The following NTRK3 variants were observed in gnomAD, a reference collection of about 807,000 sequenced individuals.
The protein encoded by NTRK3 is NT-3 growth factor receptor.
NTRK3 carries 24 observed loss-of-function variants against 91.7 expected under a neutral mutation model. That is an observed-to-expected ratio of 0.26 (90% CI 0.19 to 0.37). The LOEUF (loss-of-function observed/expected upper bound fraction) is 0.37, where lower values mean the gene tolerates loss of function less well. NTRK3 is among the 10% of genes least tolerant of loss of function. NTRK3 has a pLI of 1.00. For synonymous variants in NTRK3, 483 were observed against 404.0 expected (o/e 1.20, Z -2.34); for missense variants, 880 against 1,068.9 (o/e 0.82, Z 2.46).
chr15:88,091,671 G>A (rs2049029426), intron 13 of NTRK3, among the ~76,000 whole-genome samples: 1 of 152,128 alleles, frequency 6.6e-6, no homozygotes, highest in South Asian at 2.1e-4. Context: ...CAAGAGTAGG[G>A]AGATCACACA....
chr15:88,021,465 G>A (rs2077581964), intron 14 of NTRK3, among the ~76,000 whole-genome samples: 3 of 152,226 alleles, frequency 2.0e-5, no homozygotes, highest in Admixed American at 2.0e-4. Context: ...AATTTGAGAA[G>A]TGCTGCAGAC....
chr15:88,249,560 G>A (rs527343998), intron 3 of NTRK3, among the ~76,000 whole-genome samples: 8 of 152,296 alleles, frequency 5.3e-5, no homozygotes, highest in East Asian at 1.9e-4. Flanking sequence ...ACCCTCATGG[G>A]TGACATGAGG....
intron 17 of NTRK3, among the ~76,000 whole-genome samples, chr15:87,886,210 A>G (rs2065528662): frequency 6.6e-6 from 1 of 152,070 alleles, no homozygotes; most frequent in African/African-American, 2.4e-5. Flanking sequence ...CTCAAATGCC[A>G]CTGGTGAGAA....
chr15:87,888,892 C>G (rs1478644732), intron 17 of NTRK3, among the ~76,000 whole-genome samples: 5 of 152,282 alleles, frequency 3.3e-5, no homozygotes, highest in South Asian at 2.1e-4. Context: ...GAACATCCTC[C>G]TTTTATCCGC....
intron 14 of NTRK3, among the ~76,000 whole-genome samples, chr15:88,015,908 C>T (rs374662215): frequency 1.3e-5 from 2 of 151,570 alleles, no homozygotes; most frequent in African/African-American, 4.9e-5. Flanking sequence ...ATAGCCTGGC[C>T]ACGTATTATG....
intron 17 of NTRK3, among the ~76,000 whole-genome samples, chr15:87,889,314 G>T (rs1289692450): frequency 6.6e-6 from 1 of 151,698 alleles, no homozygotes; most frequent in Non-Finnish European, 1.5e-5. Flanking sequence ...TTAGACCAGA[G>T]GTCAACAAAT....
At chr15:87,919,228 A>G (rs116870834) in intron 17 of NTRK3, among the ~76,000 whole-genome samples, 1 of 152,328 alleles carries the variant, frequency 6.6e-6, no homozygotes, top group East Asian at 1.9e-4. Flanking sequence ...GACTGAATCT[A>G]GGCTTCTTGG....
chr15:87,974,320 C>T (rs2073525196), intron 14 of NTRK3, among the ~76,000 whole-genome samples: 1 of 152,128 alleles, frequency 6.6e-6, no homozygotes, highest in Non-Finnish European at 1.5e-5. Context: ...TGTGTTTGGT[C>T]TTTTTAGGGT....
chr15:87,981,700 T>A (rs1015244618), intron 14 of NTRK3, among the ~76,000 whole-genome samples: 11 of 152,216 alleles, frequency 7.2e-5, no homozygotes, highest in Non-Finnish European at 1.0e-4. Context: ...GTGCCCATCA[T>A]TGCCATTCAG....
chr15:87,950,148 C>T (rs2070963382), intron 14 of NTRK3, among the ~76,000 whole-genome samples: 1 of 152,212 alleles, frequency 6.6e-6, no homozygotes, highest in African/African-American at 2.4e-5. Flanking sequence ...GCACAATGTG[C>T]TAAAGGCTGT....
intron 14 of NTRK3, among the ~76,000 whole-genome samples, chr15:88,017,718 A>T (rs1370820991): frequency 2.0e-5 from 3 of 152,114 alleles, no homozygotes; most frequent in Non-Finnish European, 4.4e-5. Context: ...TGAACATCAC[A>T]TCCCAGGCAC....
intron 5 of NTRK3, among the ~76,000 whole-genome samples, chr15:88,161,449 C>A (rs2044448586): frequency 6.6e-6 from 1 of 152,162 alleles, no homozygotes; most frequent in African/African-American, 2.4e-5. Flanking sequence ...GTCACCACCA[C>A]TAGGACAGGA....
intron 17 of NTRK3, among the ~76,000 whole-genome samples, chr15:87,903,076 G>A (rs2066549316): frequency 6.6e-6 from 1 of 152,186 alleles, no homozygotes; most frequent in African/African-American, 2.4e-5. Flanking sequence ...TCAGCCGGAT[G>A]CATCTGCCTG....
intron 13 of NTRK3, among the ~76,000 whole-genome samples, chr15:88,092,472 T>C (rs964069429): frequency 3.3e-5 from 5 of 152,200 alleles, no homozygotes; most frequent in African/African-American, 1.2e-4. Flanking sequence ...TCCCACCCCC[T>C]GGCATCTATA....
At chr15:88,025,498 C>T (rs1307238370) in intron 14 of NTRK3, among the ~76,000 whole-genome samples, 1 of 152,068 alleles carries the variant, frequency 6.6e-6, no homozygotes, top group Non-Finnish European at 1.5e-5. Context: ...TAAGGATGGG[C>T]CCCTAAAACT....
At position 88,255,807 on chromosome 15, in the gene NTRK3, G is replaced by A. The variant is rs1453562652; in HGVS notation, c.248+99C>T. ...CGCCCAGCGGGCGGCGGGCAGCGGCGAGCTGGGGCGGGCGGAGGGCCGGCT... is the reference window on the plus strand; with the variant it reads ...CGCCCAGCGGGCGGCGGGCAGCGGCAAGCTGGGGCGGGCGGAGGGCCGGCT... On this transcript the variant is annotated intron_variant, in intron 3 of 18. Transcript: ENST00000394480. This position sits in a 1 kb window ranked among gnomAD's most constrained non-coding sequence, Gnocchi z 4.3. 9.4e-7 allele frequency: 1 copy of A among 1,066,854 alleles called. No homozygotes were observed. Among genetic ancestry groups the A allele is most frequent in the East Asian group, 3.4e-5 (1 of 29,370 alleles). 66.1% of individuals were successfully genotyped at this position (1,066,854 alleles called of 1,614,324 possible). A position where few individuals can be genotyped will look rare whatever the true frequency, so the allele number is the denominator to read the frequency against.
intron 13 of NTRK3, among the ~76,000 whole-genome samples, chr15:88,100,384 T>TG (rs1017362719): frequency 1.3e-5 from 2 of 152,152 alleles, no homozygotes; most frequent in African/African-American, 4.8e-5. Flanking sequence ...AAATACTGGC[T>TG]GGGGGGAACC....
exon 19 of NTRK3, chr15:87,876,972 C>T (rs2064974326): frequency 6.2e-7 from 1 of 1,613,700 alleles, no homozygotes; most frequent in Admixed American, 1.7e-5. Flanking sequence ...GGTGGCCTTC[C>T]CCAAAGCATG....
chr15:87,969,012 C>T (rs2073034551), intron 14 of NTRK3, among the ~76,000 whole-genome samples: 1 of 152,098 alleles, frequency 6.6e-6, no homozygotes, highest in African/African-American at 2.4e-5. Context: ...CCTCACATAA[C>T]ATAGATGCTA....
Sources: allele counts gnomAD v4.1 joint callset (sites outside exome capture counted in the v4.1 genomes callset), GRCh38; gene constraint gnomAD v4.1.1; non-coding constraint Gnocchi (gnomAD v3.1); transcripts MANE v1.5; gene names NCBI Gene and HGNC (gene_info 2026-07-23, HGNC 2026-07-21).